LRRTM4: variants seen among roughly 807,000 people sequenced by gnomAD.
The protein encoded by LRRTM4 is leucine rich repeat transmembrane neuronal 4, also known as leucine-rich repeat transmembrane neuronal protein 4.
A neutral mutation model predicts 47.6 loss-of-function variants in LRRTM4; 25 were observed. The ratio of observed to expected loss-of-function variants is 0.53; its 90% CI spans 0.38 to 0.73. The LOEUF is 0.73. Among genes scored for constraint, LRRTM4 ranks in the 30% least tolerant of loss-of-function variants. The probability of loss-of-function intolerance (pLI) is 0.00; values close to 1 mark genes in which losing one functional copy is unlikely to be tolerated. For missense variants in LRRTM4, 638 were observed against 713.4 expected, an observed-to-expected ratio of 0.89 and a Z score of 1.20; for synonymous variants, 311 against 269.5, an observed-to-expected ratio of 1.15 and a Z score of -1.51.
At chr2:76,825,414 C>T (rs150880997) in intron 3 of LRRTM4, among the ~76,000 whole-genome samples, 17 of 151,612 alleles carry the variant, frequency 1.1e-4, no homozygotes, top group African/African-American at 1.9e-4. Context: ...GATATACTGA[C>T]GAATTGGATG....
At chr2:77,479,828 T>G (rs547116798) in intron 3 of LRRTM4, among the ~76,000 whole-genome samples, 41 of 152,222 alleles carry the variant, frequency 2.7e-4, no homozygotes, top group Admixed American at 7.2e-4. Context: ...CTCATCAGAC[T>G]TCTTCAGAAT....
chr2:77,265,112 C>T (rs544145080), intron 3 of LRRTM4, among the ~76,000 whole-genome samples: 116 of 152,138 alleles, frequency 7.6e-4, no homozygotes, highest in Middle Eastern at 6.8e-3. Flanking sequence ...AAAAAAGAGG[C>T]TTCACATACA....
chr2:77,207,329 T>C (rs1448390533), intron 3 of LRRTM4, among the ~76,000 whole-genome samples: 1 of 132,642 alleles, frequency 7.5e-6, no homozygotes, highest in Non-Finnish European at 1.5e-5. Context: ...TGTTTATGTT[T>C]TTCCTAATTT....
chr2:77,195,707 G>A (rs545248492), intron 3 of LRRTM4, among the ~76,000 whole-genome samples: 1 of 152,228 alleles, frequency 6.6e-6, no homozygotes, highest in South Asian at 2.1e-4. Flanking sequence ...ATAATGTAGA[G>A]TGGTAATACA....
chr2:77,084,376 C>T (rs1352302873), intron 3 of LRRTM4, among the ~76,000 whole-genome samples: 1 of 152,152 alleles, frequency 6.6e-6, no homozygotes, highest in Non-Finnish European at 1.5e-5. Context: ...GTCCTGAGGA[C>T]TTTGTGAACA....
At chr2:77,222,232 C>T (rs576624670) in intron 3 of LRRTM4, among the ~76,000 whole-genome samples, 23 of 152,006 alleles carry the variant, frequency 1.5e-4, no homozygotes, top group East Asian at 5.8e-4. Flanking sequence ...TTTATAGCAC[C>T]GAATGCCCAC....
chr2:76,821,094 C>T (rs983486230), intron 3 of LRRTM4, among the ~76,000 whole-genome samples: 2 of 151,600 alleles, frequency 1.3e-5, no homozygotes, highest in African/African-American at 4.8e-5. Flanking sequence ...CTGATGAACA[C>T]AAAACCATAA....
chr2:77,159,946 A>G (rs958843120), intron 3 of LRRTM4, among the ~76,000 whole-genome samples: 1 of 152,182 alleles, frequency 6.6e-6, no homozygotes, highest in African/African-American at 2.4e-5. Context: ...TGTAATGTCA[A>G]TTGTTTTCTG....
intron 3 of LRRTM4, among the ~76,000 whole-genome samples, chr2:76,946,857 G>A (rs1675338467): frequency 6.6e-6 from 1 of 151,812 alleles, no homozygotes; most frequent in Non-Finnish European, 1.5e-5. Context: ...CAATATGGAA[G>A]AAATTATTTA....
rs535679596 is a variant in LRRTM4, at chr2:77,035,422, C to T, written c.1552-286506G>A. ...CAGCATGTCCATCACTACGAAGGTC[C>T]GTCCTCCCTTTTACAGCCACAGTTA... On this transcript the variant is annotated intron_variant, in intron 3 of 3. Transcript: ENST00000409884. Among the ~76,000 whole-genome samples, 15 of 151,896 alleles carry T rather than the reference C, an allele frequency of 9.9e-5. 1 individual carries two copies. The highest frequency in any genetic ancestry group is 8.3e-4 in the South Asian group (4 of 4,820).
At chr2:77,154,073 C>G (rs1672496187) in intron 3 of LRRTM4, among the ~76,000 whole-genome samples, 1 of 152,096 alleles carries the variant, frequency 6.6e-6, no homozygotes, top group South Asian at 2.1e-4. Context: ...CCATCAATAC[C>G]AAATGAAGAG....
intron 3 of LRRTM4, among the ~76,000 whole-genome samples, chr2:77,070,038 C>T (rs1680098393): frequency 6.6e-6 from 1 of 151,864 alleles, no homozygotes. Flanking sequence ...GCAAGTACTG[C>T]ACAGATCAGA....
chr2:76,851,250 T>G (rs1375373565), intron 3 of LRRTM4, among the ~76,000 whole-genome samples: 2 of 152,142 alleles, frequency 1.3e-5, no homozygotes, highest in African/African-American at 4.8e-5. Context: ...GATGCTCTGG[T>G]TTTATGAGTT....
At chr2:76,992,857 T>C (rs1158670541) in intron 3 of LRRTM4, among the ~76,000 whole-genome samples, 2 of 147,324 alleles carry the variant, frequency 1.4e-5, no homozygotes. Context: ...TGTATCATAT[T>C]ACTTGACTTC....
chr2:76,830,317 T>C (rs534496713), intron 3 of LRRTM4, among the ~76,000 whole-genome samples: 40 of 152,072 alleles, frequency 2.6e-4, no homozygotes, highest in African/African-American at 8.9e-4. Context: ...TTAATAACTA[T>C]ATGCCTTTTC....
At chr2:77,424,278 C>A (rs1410175331) in intron 3 of LRRTM4, among the ~76,000 whole-genome samples, 2 of 151,766 alleles carry the variant, frequency 1.3e-5, no homozygotes. Context: ...AAATAAGAAG[C>A]AATCACTAGA....
chr2:77,159,477 A>T (rs1364843610), intron 3 of LRRTM4, among the ~76,000 whole-genome samples: 3 of 151,874 alleles, frequency 2.0e-5, no homozygotes, highest in Admixed American at 6.6e-5. Flanking sequence ...CATATGTAAC[A>T]AACCTGCATG....
intron 3 of LRRTM4, among the ~76,000 whole-genome samples, chr2:77,298,484 G>A (rs904118034): frequency 6.6e-6 from 1 of 152,102 alleles, no homozygotes; most frequent in African/African-American, 2.4e-5. Context: ...TGATCCGCCC[G>A]CCTCGGCCTC....
chr2:76,829,941 C>T (rs1671300978), intron 3 of LRRTM4, among the ~76,000 whole-genome samples: 1 of 152,008 alleles, frequency 6.6e-6, no homozygotes, highest in Non-Finnish European at 1.5e-5. Context: ...GTTTAATCCA[C>T]CTTTTTCTTT....
Sources: allele counts gnomAD v4.1 joint callset (sites outside exome capture counted in the v4.1 genomes callset), GRCh38; gene constraint gnomAD v4.1.1; transcripts MANE v1.5; gene names NCBI Gene and HGNC (gene_info 2026-07-23, HGNC 2026-07-21).